Variants in ARMC9 observed in about 807,000 individuals in gnomAD.
ARMC9 encodes the protein armadillo repeat containing 9, also known as lisH domain-containing protein ARMC9.
In ARMC9, 94 loss-of-function variants were observed where a neutral mutation model predicts 107.0. That is an observed-to-expected ratio of 0.88 (90% CI 0.74 to 1.04). The LOEUF (loss-of-function observed/expected upper bound fraction) is 1.04. ARMC9 is among the 50% of genes least tolerant of loss of function. The pLI is 0.00. For missense variants in ARMC9, 942 were observed against 1,030.1 expected, an observed-to-expected ratio of 0.91 and a Z score of 1.17; for synonymous variants, 380 against 396.9, an observed-to-expected ratio of 0.96 and a Z score of 0.51.
chr2:231,216,822 A>G (rs201900875), intron 5 of ARMC9, 29 bp downstream of exon 5: 9 of 1,598,272 alleles, frequency 5.6e-6, no homozygotes, highest in Non-Finnish European at 7.7e-6. Flanking sequence ...CTCTTGTGTC[A>G]GATCCTGGGT....
intron 19 of ARMC9, among the ~76,000 whole-genome samples, chr2:231,298,062 A>G (rs1175302432): frequency 6.6e-6 from 1 of 152,248 alleles, no homozygotes; most frequent in Non-Finnish European, 1.5e-5. Context: ...TCTACTGTAA[A>G]TGAACAAATA....
chr2:231,357,518 C>G (rs1249848215), intron 22 of ARMC9, among the ~76,000 whole-genome samples: 1 of 152,208 alleles, frequency 6.6e-6, no homozygotes, highest in African/African-American at 2.4e-5. Flanking sequence ...CTGGCCCTGC[C>G]AGGCCCGCTC....
At chr2:231,304,813 G>T (rs138023914) in intron 19 of ARMC9, among the ~76,000 whole-genome samples, 9 of 152,102 alleles carry the variant, frequency 5.9e-5, no homozygotes, top group African/African-American at 1.7e-4. Flanking sequence ...GCAGATATAG[G>T]TTTCTCAAAA....
chr2:231,375,925 C>T lies in ARMC9; in HGVS notation c.*4390C>T, dbSNP rs949349142. Among the ~76,000 whole-genome samples, 18 of 152,142 alleles carry T rather than the reference C, an allele frequency of 1.2e-4. No homozygotes were observed. The highest frequency in any genetic ancestry group is 3.1e-4 in the African/African-American group (13 of 41,426). On this transcript the variant is annotated 3_prime_UTR_variant, in exon 25 of 25. Coordinates refer to ENST00000611582, the MANE Select transcript of ARMC9 (RefSeq NM_001352754.2). This position sits in a 1 kb window ranked among gnomAD's most constrained non-coding sequence, Gnocchi z 4.3. ...ACTGGCTGAAGCCATGACAGAAGAA[C>T]GTGGATTGTGATGATTTCATGGACA...
intron 19 of ARMC9, among the ~76,000 whole-genome samples, chr2:231,322,163 T>C (rs1188106977): frequency 6.6e-6 from 1 of 152,236 alleles, no homozygotes; most frequent in African/African-American, 2.4e-5. Context: ...CTTCTCCGCG[T>C]CGCGGGGAGC....
At chr2:231,239,107 G>T (rs1443494524) in intron 8 of ARMC9, among the ~76,000 whole-genome samples, 4 of 152,160 alleles carry the variant, frequency 2.6e-5, no homozygotes, top group Non-Finnish European at 4.4e-5. Flanking sequence ...AGTGTGGAAG[G>T]GTGTACACTT....
chr2:231,287,365 C>T (rs894289746), intron 17 of ARMC9, among the ~76,000 whole-genome samples: 2 of 152,202 alleles, frequency 1.3e-5, no homozygotes, highest in African/African-American at 2.4e-5. Context: ...TGCCTGCACC[C>T]TAGCTGCAAG....
chr2:231,226,731 G>A (rs376528382), intron 6 of ARMC9, 43 bp from the exon 7 acceptor site: 22 of 1,605,526 alleles, frequency 1.4e-5, no homozygotes, highest in South Asian at 7.7e-5. Flanking sequence ...CCCAAGTACC[G>A]TTCCCTGAAT....
chr2:231,339,654 A>G (rs114881671), intron 20 of ARMC9, among the ~76,000 whole-genome samples: 2,918 of 152,290 alleles, frequency 0.019, 107 homozygotes, highest in African/African-American at 0.065. Context: ...CCATAAAAAC[A>G]CTAGGCCGGG....
At chr2:231,324,680 G>A (rs974926351) in intron 19 of ARMC9, among the ~76,000 whole-genome samples, 15 of 151,908 alleles carry the variant, frequency 9.9e-5, no homozygotes, top group Non-Finnish European at 2.1e-4. Flanking sequence ...GGAGGCGGAG[G>A]TTGTGGTGAG....
At chr2:231,314,082 T>G (rs559553720) in intron 19 of ARMC9, among the ~76,000 whole-genome samples, 3 of 150,930 alleles carry the variant, frequency 2.0e-5, no homozygotes, top group Admixed American at 2.0e-4. Context: ...TTTTTTTTTT[T>G]TGTTTTTTGT....
chr2:231,264,625 G>A (rs1361806226), intron 12 of ARMC9, among the ~76,000 whole-genome samples: 2 of 152,110 alleles, frequency 1.3e-5, no homozygotes, highest in Non-Finnish European at 2.9e-5. Flanking sequence ...AGCCTCCCAA[G>A]TAGCTGGGAT....
At chr2:231,339,914 CAA>C (rs766260669) in intron 20 of ARMC9, among the ~76,000 whole-genome samples, 16 of 152,338 alleles carry the variant, frequency 1.1e-4, no homozygotes, top group African/African-American at 2.2e-4. Flanking sequence ...GCCTGGGTGA[CAA>C]GAGTGAAACT....
chr2:231,338,720 G>A (rs1193520628), intron 20 of ARMC9, among the ~76,000 whole-genome samples: 1 of 151,636 alleles, frequency 6.6e-6, no homozygotes, highest in Admixed American at 6.6e-5. Context: ...ATAAAATCTA[G>A]AAAAATAATG....
intron 6 of ARMC9, among the ~76,000 whole-genome samples, chr2:231,224,028 C>G (rs545731673): frequency 1.3e-5 from 2 of 152,008 alleles, no homozygotes; most frequent in Non-Finnish European, 2.9e-5. Flanking sequence ...ACAGGGCTAC[C>G]CCATAGGCAG....
In ARMC9 at chr2:231,297,178, C is replaced by T. The variant is rs539644090; in HGVS notation, c.1773+925C>T. 1.3e-5 allele frequency among the ~76,000 whole-genome samples: 2 copies of T among 152,292 alleles called. No individual in the cohort carries two copies. Among genetic ancestry groups the T allele is most frequent in the Admixed American group, 6.5e-5 (1 of 15,294 alleles). ...TGCTGGGAGATGCTTCCTCAGCAGG[C>T]GGCCTCTGTGGCTGCCGTTTTCTTC... On this transcript the variant is annotated intron_variant, in intron 19 of 24. Transcript: ENST00000611582. This position sits in a 1 kb window ranked among gnomAD's most constrained non-coding sequence, Gnocchi z 4.2.
intron 22 of ARMC9, among the ~76,000 whole-genome samples, chr2:231,359,182 G>T (rs2045468342): frequency 6.6e-6 from 1 of 150,848 alleles, no homozygotes; most frequent in Non-Finnish European, 1.5e-5. Context: ...GCCTCCCGGG[G>T]TTCAAGTGAT....
chr2:231,207,277 G>C (rs2032155138), intron 2 of ARMC9, among the ~76,000 whole-genome samples: 1 of 152,190 alleles, frequency 6.6e-6, no homozygotes, highest in East Asian at 1.9e-4. Context: ...CAAAGTTGTG[G>C]GATTGCAGGC....
chr2:231,316,160 A>ATGTGTG lies in ARMC9; in HGVS notation c.1774-15605_1774-15600dup, dbSNP rs141395956. Among the ~76,000 whole-genome samples, 784 of 147,620 alleles carry ATGTGTG rather than the reference A, an allele frequency of 5.3e-3. 6 individuals are homozygous for ATGTGTG. Among genetic ancestry groups the ATGTGTG allele is most frequent in the African/African-American group, 0.018 (739 of 40,496 alleles). The stretch of plus-strand genomic sequence containing the variant: ...TTAAAGAAGGAACATGTGTGTATGT[A>ATGTGTG]TGTGTGTGTGTGTGTGTGTGTGTGT... On this transcript the variant is annotated intron_variant, in intron 19 of 24. Transcript: ENST00000611582.
Sources: gnomAD v4.1 joint callset for allele counts (sites outside exome capture counted in the v4.1 genomes callset) on GRCh38, gnomAD v4.1.1 for gene constraint, Gnocchi (gnomAD v3.1) non-coding constraint, MANE v1.5 for transcripts, NCBI Gene and HGNC (gene_info 2026-07-23, HGNC 2026-07-21) for gene names.